The following MYCBP variants were observed in gnomAD, a reference collection of about 807,000 sequenced individuals.
MYCBP encodes C-Myc-binding protein.
A neutral mutation model predicts 16.8 loss-of-function variants in MYCBP; 5 were observed. The observed-to-expected ratio is 0.30, with a 90% CI of 0.16 to 0.63. The LOEUF (loss-of-function observed/expected upper bound fraction) is 0.63, where lower values mean the gene tolerates loss of function less well. Ranked by LOEUF, MYCBP falls within the 20% of genes least tolerant of loss-of-function variation. The pLI, the probability that MYCBP is intolerant of heterozygous loss-of-function variation, is 0.83. For missense variants in MYCBP, 103 were observed against 121.8 expected, an observed-to-expected ratio of 0.85 and a Z score of 0.73; for synonymous variants, 35 against 43.7, an observed-to-expected ratio of 0.80 and a Z score of 0.79.
chr1:38,872,104 G>A (rs1048837845), intron 2 of MYCBP, among the ~76,000 whole-genome samples: 5 of 152,186 alleles, frequency 3.3e-5, no homozygotes, highest in African/African-American at 4.8e-5. Context: ...AGACCCAGGA[G>A]TTATGCTCCT....
At chr1:38,866,003 A>G (rs1642326352) in intron 4 of MYCBP, among the ~76,000 whole-genome samples, 2 of 148,236 alleles carry the variant, frequency 1.3e-5, no homozygotes, top group Non-Finnish European at 3.0e-5. Context: ...AACATTAACC[A>G]ATATTCTCAT....
intron 4 of MYCBP, among the ~76,000 whole-genome samples, chr1:38,865,758 C>T (rs1043177634): frequency 6.6e-6 from 1 of 152,040 alleles, no homozygotes; most frequent in Non-Finnish European, 1.5e-5. Flanking sequence ...GACATGACTG[C>T]ACCACTGCAC....
Position 38,862,574 on chromosome 1 carries a change from A to C in MYCBP, c.*2096T>G, listed in dbSNP as rs2124244927. Among the ~76,000 whole-genome samples, 1 of 152,370 alleles carries C rather than the reference A, an allele frequency of 6.6e-6. No homozygotes were observed. Among genetic ancestry groups the C allele is most frequent in the Admixed American group, 6.5e-5 (1 of 15,304 alleles). On this transcript the variant is annotated 3_prime_UTR_variant, in exon 5 of 5. Transcript: ENST00000397572. ...ATGTGAAGTCGATATTTTATAGACA[A>C]AGCAGCTGAAGCATAATAGGAGCTT...
chr1:38,867,502 T>C (rs980509474), intron 3 of MYCBP, 60 bp downstream of exon 3: 147 of 1,347,984 alleles, frequency 1.1e-4, no homozygotes, highest in Non-Finnish European at 1.5e-4. Flanking sequence ...TTAAAGGTTA[T>C]TATCTATCTA....
intron 2 of MYCBP, chr1:38,872,642 T>C (rs1302799753): frequency 4.5e-6 from 1 of 220,678 alleles, no homozygotes; most frequent in Non-Finnish European, 9.0e-6. Flanking sequence ...CAGTTGCTCT[T>C]TGTTGGAGGG....
At chr1:38,868,399 A>T (rs1054831245) in intron 2 of MYCBP, among the ~76,000 whole-genome samples, 1 of 152,232 alleles carries the variant, frequency 6.6e-6, no homozygotes, top group African/African-American at 2.4e-5. Flanking sequence ...AAACTTTACC[A>T]GTAGTCAACA....
At chr1:38,865,823 A>C (rs1483835414) in intron 4 of MYCBP, among the ~76,000 whole-genome samples, 1 of 152,046 alleles carries the variant, frequency 6.6e-6, no homozygotes, top group Non-Finnish European at 1.5e-5. Context: ...AAACTTTAGC[A>C]CTAGATAAAA....
rs763154379 is a variant in MYCBP, at chr1:38,866,413, C to CT, written c.267+466dup. On this transcript the variant is annotated intron_variant, in intron 4 of 4. Coordinates refer to ENST00000397572, the MANE Select transcript of MYCBP (RefSeq NM_012333.5). ...TATTTCCAGTATGTCTTGCGGTTTT[C>CT]TTTTTTTTTTTTTAACCCCCCTAGA... Among the ~76,000 whole-genome samples, 649 of 137,086 alleles carry CT rather than the reference C, an allele frequency of 4.7e-3. 3 individuals carry two copies. The highest frequency in any genetic ancestry group is 0.012 in the African/African-American group (462 of 37,342). The allele number at this position is 137,086 out of a possible 152,430, so 89.9% of individuals were successfully genotyped here.
At chr1:38,869,639 T>C (rs149476417) in intron 2 of MYCBP, among the ~76,000 whole-genome samples, 1 of 152,228 alleles carries the variant, frequency 6.6e-6, no homozygotes, top group Non-Finnish European at 1.5e-5. Context: ...GAGGTTGATA[T>C]AGCGCTCAAA....
rs1006211049 is a variant in MYCBP at position 38,863,584 on chromosome 1, G to A, written c.*1086C>T. ...AACAACCCTGTGAGGTAGGCATCAC[G>A]GACATTCTACTCATTAAACAGATGA... is the stretch of plus-strand genomic sequence containing the variant. On this transcript the variant is annotated 3_prime_UTR_variant, in exon 5 of 5. Transcript: ENST00000397572. 4 of 152,596 alleles carry A rather than the reference G, an allele frequency of 2.6e-5. No homozygotes were observed. The highest frequency in any genetic ancestry group is 4.4e-5 in the Non-Finnish European group (3 of 68,032). 9.5% of individuals were successfully genotyped at this position (152,596 alleles called of 1,614,324 possible).
chr1:38,864,822 T>C, intron 4 of MYCBP, 108 bp from the exon 5 acceptor site: 1 of 962,162 alleles, frequency 1.0e-6, no homozygotes, highest in Non-Finnish European at 1.6e-6. Context: ...CAGTAAATTG[T>C]ATTAATATCA....
rs1370419421 is a variant in MYCBP, at chr1:38,863,637, G to C, written c.*1033C>G. The stretch of plus-strand genomic sequence containing the variant: ...ACAGTAAATCTCAGAGTAGTTCACT[G>C]ATAATGCCCAAGGCTCTACAGTTAG... On this transcript the variant is annotated 3_prime_UTR_variant, in exon 5 of 5. Coordinates refer to ENST00000397572, the MANE Select transcript of MYCBP (RefSeq NM_012333.5). The C allele has an allele frequency of 6.6e-6, 1 of 152,630 alleles. No homozygotes were observed. The highest frequency in any genetic ancestry group is 2.4e-5 in the African/African-American group (1 of 41,448). The allele number at this position is 152,630 out of a possible 1,614,324, so 9.5% of individuals were successfully genotyped here.
At chr1:38,868,354 A>G (rs1173498555) in intron 2 of MYCBP, among the ~76,000 whole-genome samples, 2 of 152,228 alleles carry the variant, frequency 1.3e-5, no homozygotes, top group African/African-American at 2.4e-5. Flanking sequence ...TGGTCTTAAA[A>G]ATTAAGTTTG....
In MYCBP at chr1:38,867,679, T is replaced by C. The variant is rs559346030; in HGVS notation, c.89-69A>G. ...TTTGAATGGCTGAAATTATGTTCCA[T>C]TACCCAGTAAATATTAGGTGCCAAC... On this transcript the variant is annotated intron_variant, in intron 2 of 4. Coordinates refer to ENST00000397572, the MANE Select transcript of MYCBP (RefSeq NM_012333.5). The C allele has an allele frequency of 8.7e-6, 12 of 1,375,784 alleles. No individual in the cohort carries two copies. In the South Asian group the frequency reaches 9.4e-5, roughly 11 times the overall value. 85.2% of individuals were successfully genotyped at this position (1,375,784 alleles called of 1,614,324 possible). A position where few individuals can be genotyped will look rare whatever the true frequency, so the allele number is the denominator to read the frequency against.
chr1:38,866,949 G>A lies in MYCBP; in HGVS notation c.198C>T (p.Arg66=), dbSNP rs144496267. Residue 66 remains arginine, a synonymous_variant, in exon 4 of 5, where the codon CGC becomes CGT. Transcript: ENST00000397572. ...TPENPEIELL[R]LELAEMKEKY... ...TCTCTTTCATTTCGGCCAGTTCTAGGCGAAGCAGCTCTATTTCTGGATTTT... is the reference window on the plus strand; with the variant it reads ...TCTCTTTCATTTCGGCCAGTTCTAGACGAAGCAGCTCTATTTCTGGATTTT... 3.4e-5 allele frequency: 55 copies of A among 1,608,586 alleles called. No homozygotes were observed. The highest frequency in any genetic ancestry group is 4.3e-5 in the Non-Finnish European group (51 of 1,177,428).
chr1:38,868,926 A>G (rs1007545317), intron 2 of MYCBP, among the ~76,000 whole-genome samples: 1 of 152,060 alleles, frequency 6.6e-6, no homozygotes, highest in African/African-American at 2.4e-5. Context: ...AAACAAAACA[A>G]ACAAACAAAA....
chr1:38,866,413 C>CTT lies in MYCBP; in HGVS notation c.267+465_267+466dup, dbSNP rs763154379. Among the ~76,000 whole-genome samples, 4 of 137,104 alleles carry CTT rather than the reference C, an allele frequency of 2.9e-5. No individual in the cohort carries two copies. The South Asian group carries it at 7.1e-4, about 24-fold the overall frequency. 89.9% of individuals were successfully genotyped at this position (137,104 alleles called of 152,430 possible). A position where few individuals can be genotyped will look rare whatever the true frequency, so the allele number is the denominator to read the frequency against. On this transcript the variant is annotated intron_variant, in intron 4 of 4. Coordinates refer to ENST00000397572, the MANE Select transcript of MYCBP (RefSeq NM_012333.5). Reference sequence around the variant, plus strand: ...TATTTCCAGTATGTCTTGCGGTTTTCTTTTTTTTTTTTTAACCCCCCTAGA... The same window carrying CTT: ...TATTTCCAGTATGTCTTGCGGTTTTCTTTTTTTTTTTTTTTAACCCCCCTAGA...
In MYCBP at chr1:38,863,215, T is replaced by A. The variant is rs1301703384; in HGVS notation, c.*1455A>T. 6.6e-6 allele frequency: 1 copy of A among 152,226 alleles called. No individual in the cohort carries two copies. The highest frequency in any genetic ancestry group is 2.4e-5 in the African/African-American group (1 of 41,454). The allele number at this position is 152,226 out of a possible 1,614,324, so 9.4% of individuals were successfully genotyped here. ...AGAAGAGGCACCAGCCATAGCCACA[T>A]TCCTACTAACAGGGCTGATTTAAAT... On this transcript the variant is annotated 3_prime_UTR_variant, in exon 5 of 5. Coordinates refer to ENST00000397572, the MANE Select transcript of MYCBP (RefSeq NM_012333.5).
intron 1 of MYCBP, 23 bp downstream of exon 1, chr1:38,873,268 C>T: frequency 6.3e-7 from 1 of 1,599,998 alleles, no homozygotes; most frequent in African/African-American, 1.3e-5. Context: ...CGCATGCCCC[C>T]AGCCACGCCG....
Sources: allele counts gnomAD v4.1 joint callset (sites outside exome capture counted in the v4.1 genomes callset), GRCh38; gene constraint gnomAD v4.1.1; transcripts MANE v1.5; gene names NCBI Gene and HGNC (gene_info 2026-07-23, HGNC 2026-07-21).